GATA4: variants seen among roughly 807,000 people sequenced by gnomAD.
GATA4 encodes the protein GATA binding protein 4, also known as transcription factor GATA-4.
A neutral mutation model predicts 37.9 loss-of-function variants in GATA4; 7 were observed. The ratio of observed to expected loss-of-function variants is 0.18; its 90% CI spans 0.11 to 0.35. The LOEUF (loss-of-function observed/expected upper bound fraction) is 0.35. Ranked by LOEUF, GATA4 falls within the 10% of genes least tolerant of loss-of-function variation. GATA4 has a pLI of 1.00. For missense variants in GATA4, 647 were observed against 653.0 expected, an observed-to-expected ratio of 0.99 and a Z score of 0.10; for synonymous variants, 372 against 292.6, an observed-to-expected ratio of 1.27 and a Z score of -2.77.
chr8:11,679,084 A>G (rs1341009374), intron 1 of GATA4, among the ~76,000 whole-genome samples: 1 of 151,484 alleles, frequency 6.6e-6, no homozygotes, highest in Non-Finnish European at 1.5e-5. Flanking sequence ...GGAGCAGAGG[A>G]GAGGAGAGGT....
At chr8:11,714,727 G>A (rs1344462599) in intron 2 of GATA4, among the ~76,000 whole-genome samples, 2 of 152,172 alleles carry the variant, frequency 1.3e-5, no homozygotes, top group Non-Finnish European at 2.9e-5. Flanking sequence ...CACTCAGGTG[G>A]AATGATGCCC....
intron 1 of GATA4, chr8:11,681,455 A>T (rs1798967986): frequency 1.0e-6 from 1 of 979,334 alleles, no homozygotes; most frequent in African/African-American, 1.9e-5. Context: ...AGACGCCGGA[A>T]TCCGGGGCCC....
At chr8:11,712,620 C>T (rs1800241422) in intron 2 of GATA4, among the ~76,000 whole-genome samples, 1 of 149,976 alleles carries the variant, frequency 6.7e-6, no homozygotes, top group Non-Finnish European at 1.5e-5. Flanking sequence ...CTTTGGGAGG[C>T]TGAGGTGGGA....
At chr8:11,694,459 G>T (rs1428065838) in intron 1 of GATA4, 1 of 984,970 alleles carries the variant, frequency 1.0e-6, no homozygotes, top group Non-Finnish European at 1.2e-6. Flanking sequence ...ACATTGCGCT[G>T]CCACCAGCTC....
At chr8:11,719,777 T>C (rs2130135816) in intron 2 of GATA4, among the ~76,000 whole-genome samples, 1 of 152,348 alleles carries the variant, frequency 6.6e-6, no homozygotes, top group African/African-American at 2.4e-5. Flanking sequence ...CCTTAAACAC[T>C]GATGCCATTT....
At chr8:11,705,448 CT>C (rs1799852396) in intron 1 of GATA4, among the ~76,000 whole-genome samples, 1 of 152,228 alleles carries the variant, frequency 6.6e-6, no homozygotes, top group Non-Finnish European at 1.5e-5. Flanking sequence ...CTTTTCGGCG[CT>C]TGCAATTCTC....
chr8:11,713,076 G>A (rs1203500564), intron 2 of GATA4, among the ~76,000 whole-genome samples: 1 of 151,982 alleles, frequency 6.6e-6, no homozygotes, highest in African/African-American at 2.4e-5. Flanking sequence ...TGTAACTGCT[G>A]TAGTTTTAAC....
chr8:11,702,617 G>A (rs1185438891), upstream of GATA4, among the ~76,000 whole-genome samples: 1 of 150,712 alleles, frequency 6.6e-6, no homozygotes, highest in Non-Finnish European at 1.5e-5. This position sits in a 1 kb window ranked among gnomAD's most constrained non-coding sequence, Gnocchi z 4.4. Context: ...CACCCCTTCA[G>A]CCTTAAGTTC....
Position 11,758,593 on chromosome 8 carries a change from C to T in GATA4, c.*118C>T. On this transcript the variant is annotated 3_prime_UTR_variant, in exon 7 of 7. Coordinates refer to ENST00000532059, the MANE Select transcript of GATA4 (RefSeq NM_001308093.3). ...CTGCCTGGTAATGACTCCAGAACAA[C>T]AACTGGGAAGAAACTTGAAGTCGAC... 2 of 984,536 alleles carry T rather than the reference C, an allele frequency of 2.0e-6. No individual in the cohort carries two copies. Among genetic ancestry groups the T allele is most frequent in the Non-Finnish European group, 3.2e-6 (2 of 623,794 alleles). 61.0% of individuals were successfully genotyped at this position (984,536 alleles called of 1,614,324 possible). A position where few individuals can be genotyped will look rare whatever the true frequency, so the allele number is the denominator to read the frequency against.
chr8:11,739,241 G>T (rs1299250777), intron 2 of GATA4, among the ~76,000 whole-genome samples: 3 of 152,200 alleles, frequency 2.0e-5, no homozygotes, highest in African/African-American at 7.2e-5. Context: ...GAAGAACATA[G>T]TCTATCCAAT....
chr8:11,726,238 A>G (rs1800918127), intron 2 of GATA4, among the ~76,000 whole-genome samples: 1 of 152,150 alleles, frequency 6.6e-6, no homozygotes, highest in African/African-American at 2.4e-5. Flanking sequence ...CCATCCTTGT[A>G]AAAGGAACCT....
rs1799549387 is a variant in GATA4, at chr8:11,697,790, C to T, written c.-728-2718C>T. The T allele has an allele frequency of 5.1e-6, 5 of 985,338 alleles. No homozygotes were observed. In the South Asian group the frequency reaches 1.9e-4, roughly 37 times the overall value. The allele number at this position is 985,338 out of a possible 1,614,324, so 61.0% of individuals were successfully genotyped here. ...GGCGTCTTCTCCAACTCCGGGTCAC[C>T]TCGGGGCGAGGGCAAGGGTGCCGGG... On this transcript the variant is annotated intron_variant, in intron 1 of 2. Transcript: ENST00000526974.
intron 2 of GATA4, among the ~76,000 whole-genome samples, chr8:11,741,447 C>G (rs571566585): frequency 2.0e-5 from 3 of 152,016 alleles, no homozygotes; most frequent in Admixed American, 1.3e-4. Flanking sequence ...CTGCTGGACT[C>G]CAGCCTGGGT....
chr8:11,680,740 G>T (rs990930181), intron 1 of GATA4: 26 of 985,220 alleles, frequency 2.6e-5, no homozygotes, highest in Non-Finnish European at 3.0e-5. Flanking sequence ...GGGCGGCGAG[G>T]AGAGCCCGGC....
At chr8:11,714,319 C>A (rs1006284775) in intron 2 of GATA4, among the ~76,000 whole-genome samples, 1 of 152,014 alleles carries the variant, frequency 6.6e-6, no homozygotes, top group African/African-American at 2.4e-5. Flanking sequence ...GAAGTTTTGC[C>A]CCATTAGGGA....
intron 1 of GATA4, among the ~76,000 whole-genome samples, chr8:11,683,273 C>A (rs1484324438): frequency 2.6e-5 from 4 of 152,176 alleles, no homozygotes; most frequent in Non-Finnish European, 5.9e-5. Flanking sequence ...CCCTGGGAGG[C>A]GCAGAGCTGC....
intron 2 of GATA4, among the ~76,000 whole-genome samples, chr8:11,735,045 C>T (rs1278401187): frequency 6.6e-6 from 1 of 152,106 alleles, no homozygotes; most frequent in Non-Finnish European, 1.5e-5. Flanking sequence ...AACTGGGAAA[C>T]ATAATAGGCA....
At chr8:11,754,550 G>C (rs939212971) in intron 4 of GATA4, among the ~76,000 whole-genome samples, 1 of 152,184 alleles carries the variant, frequency 6.6e-6, no homozygotes, top group African/African-American at 2.4e-5. Flanking sequence ...GGGTCCTTGT[G>C]TGGATGATAA....
chr8:11,713,559 G>A (rs1800295514), intron 2 of GATA4, among the ~76,000 whole-genome samples: 1 of 151,868 alleles, frequency 6.6e-6, no homozygotes, highest in East Asian at 1.9e-4. Context: ...CTGGAGGAAA[G>A]CAGGGCTTTT....
Sources: gnomAD v4.1 joint callset for allele counts (sites outside exome capture counted in the v4.1 genomes callset) on GRCh38, gnomAD v4.1.1 for gene constraint, Gnocchi (gnomAD v3.1) non-coding constraint, MANE v1.5 for transcripts, NCBI Gene and HGNC (gene_info 2026-07-23, HGNC 2026-07-21) for gene names.